Variants in VAC14 observed in about 807,000 individuals in gnomAD.
VAC14 encodes the protein VAC14 component of PIKFYVE complex.
VAC14 carries 47 observed loss-of-function variants against 85.3 expected under a neutral mutation model. That is an observed-to-expected ratio of 0.55 (90% CI 0.44 to 0.70). The LOEUF is 0.70. Ranked by LOEUF, VAC14 falls within the 30% of genes least tolerant of loss-of-function variation. The probability of loss-of-function intolerance (pLI) is 0.00; values close to 1 mark genes in which losing one functional copy is unlikely to be tolerated. For synonymous variants in VAC14, 447 were observed against 430.5 expected, an observed-to-expected ratio of 1.04 and a Z score of -0.47; for missense variants, 861 against 1,004.3, an observed-to-expected ratio of 0.86 and a Z score of 1.93.
intron 14 of VAC14, among the ~76,000 whole-genome samples, chr16:70,704,637 C>T (rs941995149): frequency 2.6e-5 from 4 of 152,182 alleles, no homozygotes; most frequent in African/African-American, 9.7e-5. Flanking sequence ...GGCCAGCTCA[C>T]AGTGGGAGAG....
At chr16:70,757,532 C>T (rs2031971054) in intron 12 of VAC14, among the ~76,000 whole-genome samples, 1 of 152,222 alleles carries the variant, frequency 6.6e-6, no homozygotes, top group South Asian at 2.1e-4. Flanking sequence ...CTGTGGCCCA[C>T]TGTGTCCTTG....
At position 70,781,967 on chromosome 16, in the gene VAC14, C is replaced by T. The variant is rs745524506; in HGVS notation, c.848G>A (p.Arg283Gln). The T allele has an allele frequency of 1.7e-5, 27 of 1,613,886 alleles. No individual in the cohort carries two copies. The highest frequency in any genetic ancestry group is 1.3e-4 in the East Asian group (6 of 44,890). The change falls in exon 8 of 19, where the codon CGG (arginine) becomes CAG (glutamine). Residue 283 changes from arginine to glutamine, a missense_variant. Transcript: ENST00000261776. Reference sequence around the variant, plus strand: ...GCGGCCCGCCAGCTGGATGAACTCCCGCATCCAGCACATGGCTGTCAGCTG... The same window carrying T: ...GCGGCCCGCCAGCTGGATGAACTCCTGCATCCAGCACATGGCTGTCAGCTG... Reference protein sequence around the residue: ...LIQLTAMCWMREFIQLAGRVM... With the variant: ...LIQLTAMCWMQEFIQLAGRVM...
At chr16:70,784,908 C>G in intron 3 of VAC14, 70 bp from the exon 4 acceptor site, 2 of 1,395,252 alleles carry the variant, frequency 1.4e-6, no homozygotes, top group Middle Eastern at 1.9e-4. Flanking sequence ...CCAGGGATTT[C>G]CTGCAAATCC....
chr16:70,765,042 C>T (rs958827216), intron 10 of VAC14, among the ~76,000 whole-genome samples: 1 of 152,168 alleles, frequency 6.6e-6, no homozygotes, highest in Non-Finnish European at 1.5e-5. Context: ...GGAAGAGATG[C>T]CGCCCTACAG....
At chr16:70,688,239 G>A (rs749314771) in intron 18 of VAC14, 149 bp from the exon 19 acceptor site, 24 of 1,278,730 alleles carry the variant, frequency 1.9e-5, no homozygotes, top group Admixed American at 3.7e-5. Flanking sequence ...TTCCGTCATG[G>A]CGGGCCCCAG....
chr16:70,752,511 C>G (rs2031466746), intron 12 of VAC14, among the ~76,000 whole-genome samples: 1 of 152,248 alleles, frequency 6.6e-6, no homozygotes, highest in Admixed American at 6.5e-5. Context: ...TCTCCATGAG[C>G]TGGGCAGGGA....
At chr16:70,757,351 G>A (rs1373143162) in intron 12 of VAC14, among the ~76,000 whole-genome samples, 3 of 152,224 alleles carry the variant, frequency 2.0e-5, no homozygotes, top group East Asian at 1.9e-4. Context: ...GAGCCCTTCC[G>A]CCTGCGAGTC....
chr16:70,730,780 C>CT (rs1567546318), intron 14 of VAC14, among the ~76,000 whole-genome samples: 2 of 151,990 alleles, frequency 1.3e-5, no homozygotes, highest in African/African-American at 2.4e-5. Flanking sequence ...TATACGGCAT[C>CT]TTTTTTTAAA....
intron 1 of VAC14, among the ~76,000 whole-genome samples, chr16:70,790,048 G>A (rs543416972): frequency 3.3e-5 from 5 of 152,196 alleles, no homozygotes; most frequent in African/African-American, 9.7e-5. Flanking sequence ...CAGTGGATGA[G>A]AGCTATTCCC....
At chr16:70,720,986 TGG>T (rs1176562792) in intron 14 of VAC14, among the ~76,000 whole-genome samples, 2 of 152,212 alleles carry the variant, frequency 1.3e-5, no homozygotes, top group Non-Finnish European at 2.9e-5. Context: ...CATCTCAGCT[TGG>T]CTTCAAAGAG....
At chr16:70,726,119 T>A (rs2054421049) in intron 14 of VAC14, among the ~76,000 whole-genome samples, 1 of 152,236 alleles carries the variant, frequency 6.6e-6, no homozygotes, top group Admixed American at 6.5e-5. Context: ...ATATCACAGT[T>A]TATCAAAGAG....
intron 14 of VAC14, chr16:70,715,762 A>G (rs1488619105): frequency 1.3e-5 from 2 of 152,286 alleles, no homozygotes; most frequent in African/African-American, 4.8e-5. Flanking sequence ...GAAGACGCGT[A>G]TGCGGTGGAG....
chr16:70,729,242 T>C (rs2054517141), intron 14 of VAC14, among the ~76,000 whole-genome samples: 2 of 152,182 alleles, frequency 1.3e-5, no homozygotes, highest in South Asian at 4.1e-4. Flanking sequence ...CCGGCTCCAA[T>C]GCCAACGGCG....
chr16:70,719,881 T>C (rs775809218), intron 14 of VAC14, among the ~76,000 whole-genome samples: 55 of 152,188 alleles, frequency 3.6e-4, no homozygotes, highest in African/African-American at 1.3e-3. Context: ...AATGTGTCTA[T>C]ATGGTTATCA....
intron 12 of VAC14, among the ~76,000 whole-genome samples, chr16:70,753,666 C>T (rs531458076): frequency 2.4e-4 from 37 of 152,256 alleles, no homozygotes; most frequent in African/African-American, 8.9e-4. Context: ...AATACCAGCC[C>T]CTGGGCACCC....
At chr16:70,722,306 G>A (rs976221703) in intron 14 of VAC14, among the ~76,000 whole-genome samples, 1 of 152,140 alleles carries the variant, frequency 6.6e-6, no homozygotes, top group Non-Finnish European at 1.5e-5. Flanking sequence ...CATCTGAGGC[G>A]GAATTCTGTG....
intron 14 of VAC14, among the ~76,000 whole-genome samples, chr16:70,726,003 C>T (rs1294933084): frequency 4.6e-5 from 7 of 152,376 alleles, no homozygotes; most frequent in East Asian, 3.9e-4. Context: ...CGCGGCTGGC[C>T]GGAGGGCCGT....
At position 70,761,566 on chromosome 16, in the gene VAC14, G is replaced by A. The variant is rs533616129; in HGVS notation, c.1371+974C>T. Among the ~76,000 whole-genome samples the A allele has an allele frequency of 6.8e-4, 104 of 152,356 alleles. 1 individual carries two copies. The highest frequency in any genetic ancestry group is 9.6e-4 in the Non-Finnish European group (65 of 68,040). On this transcript the variant is annotated intron_variant, in intron 12 of 18. Transcript: ENST00000261776. ...ACCCGGTAAAGGAACACCACGCAAT[G>A]GGCATGGCTGAGAATGGAGTGTGGA...
At chr16:70,740,024 G>C (rs1311830167) in intron 13 of VAC14, among the ~76,000 whole-genome samples, 1 of 150,092 alleles carries the variant, frequency 6.7e-6, no homozygotes, top group African/African-American at 2.5e-5. Flanking sequence ...GCAGTGGTGT[G>C]ATCTCGGCTC....
Sources: allele counts gnomAD v4.1 joint callset (sites outside exome capture counted in the v4.1 genomes callset), GRCh38; gene constraint gnomAD v4.1.1; transcripts MANE v1.5; gene names NCBI Gene and HGNC (gene_info 2026-07-23, HGNC 2026-07-21).